AGTRAP: variants seen among roughly 807,000 people sequenced by gnomAD.
The protein encoded by AGTRAP is type-1 angiotensin II receptor-associated protein.
In AGTRAP, 7 loss-of-function variants were observed where a neutral mutation model predicts 15.2. The observed-to-expected ratio is 0.46, with a 90% CI of 0.26 to 0.87. The LOEUF (loss-of-function observed/expected upper bound fraction) is 0.87, where lower values mean the gene tolerates loss of function less well. Among genes scored for constraint, AGTRAP ranks in the 40% least tolerant of loss-of-function variants. AGTRAP has a pLI of 0.15. For synonymous variants in AGTRAP, 74 were observed against 89.6 expected, an observed-to-expected ratio of 0.83 and a Z score of 0.98; for missense variants, 187 against 213.4, an observed-to-expected ratio of 0.88 and a Z score of 0.77.
intron 1 of AGTRAP, among the ~76,000 whole-genome samples, chr1:11,744,048 G>C (rs1018469319): frequency 5.9e-5 from 9 of 152,122 alleles, no homozygotes; most frequent in African/African-American, 2.2e-4. Context: ...GACCAAGGTG[G>C]GTAGATTGCT....
chr1:11,747,691 C>T, intron 3 of AGTRAP, 146 bp downstream of exon 3: 1 of 840,648 alleles, frequency 1.2e-6, no homozygotes, highest in Non-Finnish European at 1.9e-6. Context: ...GTTCATCAGC[C>T]TCCTGGGCTC....
At chr1:11,748,394 T>C (rs1255906193) in intron 3 of AGTRAP, 21 bp from the exon 4 acceptor site, 1 of 1,609,530 alleles carries the variant, frequency 6.2e-7, no homozygotes, top group Non-Finnish European at 8.5e-7. Context: ...GTTGTGCTCA[T>C]CAGTGTGGTG....
chr1:11,750,064 C>A lies in AGTRAP; in HGVS notation c.365-13C>A. 6.2e-7 allele frequency: 1 copy of A among 1,605,000 alleles called. No homozygotes were observed. Among genetic ancestry groups the A allele is most frequent in the South Asian group, 1.1e-5 (1 of 90,832 alleles). On this transcript the variant is annotated splice_polypyrimidine_tract_variant and intron_variant, in intron 4 of 4. Coordinates refer to ENST00000314340, the MANE Select transcript of AGTRAP (RefSeq NM_020350.5). ...CTTCATTTTTCTTTCCCACCATGTC[C>A]CCTGTCACCTAGGTTTCCTTGGGTC...
At chr1:11,737,747 A>C (rs1641935584) in intron 1 of AGTRAP, among the ~76,000 whole-genome samples, 1 of 151,864 alleles carries the variant, frequency 6.6e-6, no homozygotes, top group East Asian at 1.9e-4. Flanking sequence ...GCTTTTTTTG[A>C]GCAACTTTTT....
In AGTRAP at chr1:11,750,273, T is replaced by A. The variant is rs1184611526; in HGVS notation, c.*81T>A. On this transcript the variant is annotated 3_prime_UTR_variant, in exon 5 of 5. Coordinates refer to ENST00000314340, the MANE Select transcript of AGTRAP (RefSeq NM_020350.5). The stretch of plus-strand genomic sequence containing the variant: ...GTTCTAGGGATGCTCCTGACCTCCG[T>A]CTCTTGGACCTAAGATGGAATGTGT... 3 of 1,180,412 alleles carry A rather than the reference T, an allele frequency of 2.5e-6. No individual in the cohort carries two copies. In the African/African-American group the frequency reaches 4.5e-5, roughly 18 times the overall value. The allele number at this position is 1,180,412 out of a possible 1,614,324, so 73.1% of individuals were successfully genotyped here.
intron 3 of AGTRAP, among the ~76,000 whole-genome samples, 169 bp downstream of exon 3, chr1:11,747,714 G>A (rs1214319030): frequency 3.9e-5 from 6 of 152,250 alleles, no homozygotes; most frequent in Admixed American, 3.9e-4. Flanking sequence ...GCCCATGCCT[G>A]TGTTCAGGAG....
At position 11,745,226 on chromosome 1, in the gene AGTRAP, T is replaced by C. The variant is rs1642133223; in HGVS notation, c.28-577T>C. Among the ~76,000 whole-genome samples the C allele has an allele frequency of 6.6e-6, 1 of 152,212 alleles. No individual in the cohort carries two copies. Among genetic ancestry groups the C allele is most frequent in the African/African-American group, 2.4e-5 (1 of 41,458 alleles). On this transcript the variant is annotated intron_variant, in intron 1 of 4. Coordinates refer to ENST00000314340, the MANE Select transcript of AGTRAP (RefSeq NM_020350.5). This position sits in a 1 kb window ranked among gnomAD's most constrained non-coding sequence, Gnocchi z 4.2. ...GGGTGGATTATTCATGCCTCCCCTT[T>C]TTAGACAATATAGGGTAACTTTCTG...
chr1:11,745,338 G>T lies in AGTRAP; in HGVS notation c.28-465G>T, dbSNP rs1248022534. ...CAGAGGTTACTCTCGTGGCCATCTT[G>T]ATTTGGGTGGGTTTTAGCCGGCTTC... On this transcript the variant is annotated intron_variant, in intron 1 of 4. Coordinates refer to ENST00000314340, the MANE Select transcript of AGTRAP (RefSeq NM_020350.5). The surrounding 1 kb of genome is among the most constrained non-coding windows in gnomAD (Gnocchi z 4.2). Among the ~76,000 whole-genome samples, 5 of 152,208 alleles carry T rather than the reference G, an allele frequency of 3.3e-5. No homozygotes were observed. The highest frequency in any genetic ancestry group is 1.2e-4 in the African/African-American group (5 of 41,450).
intron 1 of AGTRAP, among the ~76,000 whole-genome samples, chr1:11,736,971 TTTTGG>T (rs1641916206): frequency 6.6e-6 from 1 of 152,120 alleles, no homozygotes; most frequent in African/African-American, 2.4e-5. Flanking sequence ...GGGGCTGTAG[TTTTGG>T]TCAGGAAGGT....
chr1:11,745,883 G>A lies in AGTRAP; in HGVS notation c.62+46G>A, dbSNP rs755871964. ...CTTGTGTGTCTCCTGCGGTCTCAGGGTCTGTGTCAGCCGGGTCAGGTCCTG... is the reference window on the plus strand; with the variant it reads ...CTTGTGTGTCTCCTGCGGTCTCAGGATCTGTGTCAGCCGGGTCAGGTCCTG... On this transcript the variant is annotated intron_variant, in intron 2 of 4. Transcript: ENST00000314340. The surrounding 1 kb of genome is among the most constrained non-coding windows in gnomAD (Gnocchi z 4.2). 3 of 1,611,652 alleles carry A rather than the reference G, an allele frequency of 1.9e-6. No individual in the cohort carries two copies. Among genetic ancestry groups the A allele is most frequent in the Non-Finnish European group, 2.5e-6 (3 of 1,177,820 alleles).
At chr1:11,737,768 G>A (rs1641936007) in intron 1 of AGTRAP, among the ~76,000 whole-genome samples, 1 of 152,142 alleles carries the variant, frequency 6.6e-6, no homozygotes, top group African/African-American at 2.4e-5. Context: ...GGGCCTGACA[G>A]GCTAAGAGCA....
intron 1 of AGTRAP, among the ~76,000 whole-genome samples, chr1:11,739,424 G>T (rs1641973306): frequency 6.6e-6 from 1 of 152,064 alleles, no homozygotes; most frequent in South Asian, 2.1e-4. Context: ...GGTGGTGCTC[G>T]CCTGTAGTCC....
At position 11,748,585 on chromosome 1, in the gene AGTRAP, C is replaced by T. The variant is rs753377017; in HGVS notation, c.339C>T (p.Arg113=). Residue 113 remains arginine (R), a synonymous_variant, in exon 4 of 5, where the codon CGC becomes CGT. Coordinates refer to ENST00000314340, the MANE Select transcript of AGTRAP (RefSeq NM_020350.5). ...TCGTCTACCACATGTACCGGGAGCG[C>T]GGGGGTGAGCTCCTGGTCCACACTG... ...CCFVYHMYRE[R]GGELLVHTGF... 42 of 1,608,998 alleles carry T rather than the reference C, an allele frequency of 2.6e-5. No individual in the cohort carries two copies. The highest frequency in any genetic ancestry group is 3.3e-4 in the Middle Eastern group (2 of 6,080).
intron 4 of AGTRAP, 46 bp from the exon 5 acceptor site, chr1:11,750,031 T>G: frequency 2.8e-5 from 42 of 1,475,402 alleles, no homozygotes; most frequent in Middle Eastern, 1.7e-4. Flanking sequence ...ACATCCCGAG[T>G]TCTCACCCTT....
intron 2 of AGTRAP, among the ~76,000 whole-genome samples, chr1:11,746,912 C>T (rs895293521): frequency 1.1e-4 from 16 of 152,060 alleles, no homozygotes; most frequent in African/African-American, 3.1e-4. Flanking sequence ...TACTTAGCAC[C>T]GGTGGGCAAG....
At position 11,748,429 on chromosome 1, in the gene AGTRAP, G is replaced by T; in HGVS notation, c.183G>T (p.Leu61Phe). Reference protein sequence around the residue: ...IDAISMFLGGLLATIFLDIVH... With the variant: ...IDAISMFLGGFLATIFLDIVH... ...GTGTCTTGCAGTTTCTGGGTGGCTT[G>T]CTGGCCACCATCTTCCTGGACATCG... The change falls in exon 4 of 5, where the codon TTG becomes TTT. Residue 61 changes from leucine (L) to phenylalanine (F), a missense_variant. Leu to Phe is a conservative substitution (Grantham distance 22, BLOSUM62 0). Coordinates refer to ENST00000314340, the MANE Select transcript of AGTRAP (RefSeq NM_020350.5). 6.2e-7 allele frequency: 1 copy of T among 1,613,550 alleles called. No individual in the cohort carries two copies. Among genetic ancestry groups the T allele is most frequent in the Non-Finnish European group, 8.5e-7 (1 of 1,179,824 alleles).
At chr1:11,748,646 C>A in intron 4 of AGTRAP, 36 bp downstream of exon 4, 2 of 1,584,040 alleles carry the variant, frequency 1.3e-6, no homozygotes, top group Non-Finnish European at 1.7e-6. Context: ...CCTCACCGCT[C>A]CCTTCTCTCC....
intron 4 of AGTRAP, 82 bp downstream of exon 4, chr1:11,748,692 G>A: frequency 1.3e-6 from 2 of 1,495,960 alleles, no homozygotes; most frequent in South Asian, 1.2e-5. Context: ...CAGTGAGCCA[G>A]CCTTGCCCCA....
intron 1 of AGTRAP, 54 bp downstream of exon 1, chr1:11,736,289 C>T: frequency 6.3e-7 from 1 of 1,584,702 alleles, no homozygotes; most frequent in Admixed American, 1.9e-5. Context: ...GGGACATTTG[C>T]ATTTTCCCGG....
Sources: gnomAD v4.1 joint callset for allele counts (sites outside exome capture counted in the v4.1 genomes callset) on GRCh38, gnomAD v4.1.1 for gene constraint, Gnocchi (gnomAD v3.1) non-coding constraint, MANE v1.5 for transcripts, NCBI Gene and HGNC (gene_info 2026-07-23, HGNC 2026-07-21) for gene names.